Variants in RANBP17 observed in about 807,000 individuals in gnomAD.
The protein encoded by RANBP17 is RAN binding protein 17.
RANBP17 carries 158 observed loss-of-function variants against 141.2 expected under a neutral mutation model. The ratio of observed to expected loss-of-function variants is 1.12; its 90% confidence interval spans 0.98 to 1.28. RANBP17 has a LOEUF of 1.28. Ranked by LOEUF, RANBP17 falls within the 50% of genes most tolerant of loss-of-function variation. The pLI is 0.00. For synonymous variants in RANBP17, 430 were observed against 450.0 expected (o/e 0.96, Z 0.56); for missense variants, 1,438 against 1,290.7 (o/e 1.11, Z -1.75).
At chr5:171,254,040 G>T (rs1342288771) in intron 24 of RANBP17, among the ~76,000 whole-genome samples, 1 of 152,142 alleles carries the variant, frequency 6.6e-6, no homozygotes. Flanking sequence ...GAGGTCAGGA[G>T]ATCGAGACCA....
chr5:171,148,880 T>C (rs1758275115), intron 14 of RANBP17, among the ~76,000 whole-genome samples: 1 of 152,210 alleles, frequency 6.6e-6, no homozygotes, highest in Admixed American at 6.5e-5. Context: ...ACCATGTTGA[T>C]TAAATGAGAT....
chr5:170,942,932 C>T (rs886554963), intron 12 of RANBP17, among the ~76,000 whole-genome samples: 13 of 152,194 alleles, frequency 8.5e-5, no homozygotes, highest in Admixed American at 8.5e-4. Context: ...AATAAAATGC[C>T]AGACCTCATT....
At chr5:170,941,535 T>C (rs544183956) in intron 12 of RANBP17, among the ~76,000 whole-genome samples, 4 of 152,108 alleles carry the variant, frequency 2.6e-5, no homozygotes, top group Admixed American at 6.5e-5. Flanking sequence ...TTAGAAGATG[T>C]TTGCAACACA....
intron 22 of RANBP17, among the ~76,000 whole-genome samples, chr5:171,224,957 T>C (rs1763803355): frequency 6.6e-6 from 1 of 152,240 alleles, no homozygotes. Context: ...CTTCAGTTTC[T>C]TGTTAGAGAA....
intron 24 of RANBP17, among the ~76,000 whole-genome samples, chr5:171,263,568 A>G (rs1252952005): frequency 1.3e-5 from 2 of 152,228 alleles, no homozygotes; most frequent in African/African-American, 4.8e-5. Flanking sequence ...TTAACCTTTC[A>G]TATTAAATGT....
Position 171,062,980 on chromosome 5 carries a change from G to T in RANBP17, c.1710+94603G>T, listed in dbSNP as rs1268533167. ...CTCCTGAGGCTTCTGCATTCTTCAC[G>T]TAGTTCTCGAGCCTTGGCTTTCAGC... On this transcript the variant is annotated intron_variant, in intron 14 of 27. Transcript: ENST00000523189. Among the ~76,000 whole-genome samples, 5 of 151,800 alleles carry T rather than the reference G, an allele frequency of 3.3e-5. No individual in the cohort carries two copies. The South Asian group carries it at 8.3e-4, about 25-fold the overall frequency.
rs557490780 is a variant in RANBP17, at chr5:170,880,732, A to G, written c.166-1074A>G. Among the ~76,000 whole-genome samples the G allele has an allele frequency of 8.1e-4, 123 of 152,352 alleles. 2 individuals carry two copies. The Middle Eastern group carries it at 0.014, about 17-fold the overall frequency. On this transcript the variant is annotated intron_variant, in intron 2 of 27. Coordinates refer to ENST00000523189, the MANE Select transcript of RANBP17 (RefSeq NM_022897.5). ...AAGCACATTGTTTTGCTATGTAATC[A>G]ATGAAAGAATAGTCCATACTCCATT...
intron 25 of RANBP17, among the ~76,000 whole-genome samples, chr5:171,289,553 C>T (rs914152470): frequency 3.3e-5 from 5 of 151,906 alleles, no homozygotes; most frequent in Non-Finnish European, 4.4e-5. Flanking sequence ...GCCTGGGCAA[C>T]AAAAAGAGAT....
intron 14 of RANBP17, among the ~76,000 whole-genome samples, chr5:171,131,569 C>A (rs1022316028): frequency 6.6e-6 from 1 of 152,164 alleles, no homozygotes; most frequent in Non-Finnish European, 1.5e-5. Flanking sequence ...TAAAGAGACC[C>A]ACTCATAAGA....
At chr5:170,882,520 A>G (rs1355901906) in intron 3 of RANBP17, among the ~76,000 whole-genome samples, 3 of 152,022 alleles carry the variant, frequency 2.0e-5, no homozygotes, top group Admixed American at 6.6e-5. Flanking sequence ...ATTTGCAGAC[A>G]GGCTCTGTCA....
At chr5:170,981,611 C>A (rs1164231523) in intron 14 of RANBP17, among the ~76,000 whole-genome samples, 5 of 151,932 alleles carry the variant, frequency 3.3e-5, no homozygotes, top group Non-Finnish European at 7.4e-5. Context: ...CTTGCTGCTC[C>A]TTGCCTTGTG....
chr5:170,978,829 G>T (rs974830420), intron 14 of RANBP17, among the ~76,000 whole-genome samples: 1 of 151,974 alleles, frequency 6.6e-6, no homozygotes, highest in Non-Finnish European at 1.5e-5. Flanking sequence ...ATTATGATTT[G>T]TGCACTTCAT....
At chr5:171,262,572 A>C (rs72829412) in intron 24 of RANBP17, among the ~76,000 whole-genome samples, 305 of 152,304 alleles carry the variant, frequency 2.0e-3, no homozygotes, top group Non-Finnish European at 3.7e-3. Flanking sequence ...GTGATATTTG[A>C]TATAGGTATA....
At chr5:171,155,094 A>AAAAAAAAAAAT (rs34090443) in intron 14 of RANBP17, among the ~76,000 whole-genome samples, 20 of 74,960 alleles carry the variant, frequency 2.7e-4, no homozygotes, top group African/African-American at 9.9e-4. Flanking sequence ...AAAAAAAAAA[A>AAAAAAAAAAAT]ATATATATAT....
At position 171,267,026 on chromosome 5, in the gene RANBP17, C is replaced by CTTTT. The variant is rs35762251; in HGVS notation, c.2943+1196_2943+1199dup. On this transcript the variant is annotated intron_variant, in intron 25 of 27. Transcript: ENST00000523189. Reference sequence around the variant, plus strand: ...CTATACCATCACTATATTTTCTTTTCTTTTTTTTTTTTTTTTTTTTGAGAC... The same window carrying CTTTT: ...CTATACCATCACTATATTTTCTTTTCTTTTTTTTTTTTTTTTTTTTTTTTGAGAC... Among the ~76,000 whole-genome samples, 502 of 114,608 alleles carry CTTTT rather than the reference C, an allele frequency of 4.4e-3. 25 individuals carry two copies. The highest frequency in any genetic ancestry group is 7.6e-3 in the African/African-American group (205 of 26,958). 75.2% of individuals were successfully genotyped at this position (114,608 alleles called of 152,430 possible). A position where few individuals can be genotyped will look rare whatever the true frequency, so the allele number is the denominator to read the frequency against.
chr5:171,097,644 ATTATT>A (rs1561651354), intron 14 of RANBP17, among the ~76,000 whole-genome samples: 1 of 146,080 alleles, frequency 6.8e-6, no homozygotes, highest in African/African-American at 2.5e-5. Context: ...TATTATTATT[ATTATT>A]ATTATACTTT....
At chr5:171,053,926 A>AT (rs2127657233) in intron 14 of RANBP17, among the ~76,000 whole-genome samples, 1 of 61,058 alleles carries the variant, frequency 1.6e-5, no homozygotes, top group East Asian at 4.6e-4. Flanking sequence ...TATATATATA[A>AT]TTGCTGTATT....
intron 14 of RANBP17, among the ~76,000 whole-genome samples, chr5:171,147,400 T>C (rs1758127950): frequency 1.5e-5 from 1 of 68,354 alleles, no homozygotes; most frequent in Non-Finnish European, 2.9e-5. Context: ...TTTTTTTGTG[T>C]GTTTTTTTTT....
intron 14 of RANBP17, among the ~76,000 whole-genome samples, chr5:171,044,673 C>T (rs1055346092): frequency 2.6e-5 from 4 of 152,010 alleles, no homozygotes; most frequent in African/African-American, 9.7e-5. Context: ...GCTCGTTAAA[C>T]AATAGTGTCT....
Sources: allele counts gnomAD v4.1 joint callset (sites outside exome capture counted in the v4.1 genomes callset), GRCh38; gene constraint gnomAD v4.1.1; transcripts MANE v1.5; gene names NCBI Gene and HGNC (gene_info 2026-07-23, HGNC 2026-07-21).